Variants in CCDC6 observed in about 807,000 individuals in gnomAD.
CCDC6 encodes the protein coiled-coil domain containing 6, also known as coiled-coil domain-containing protein 6.
A neutral mutation model predicts 56.6 loss-of-function variants in CCDC6; 20 were observed. The observed-to-expected ratio is 0.35, with a 90% CI of 0.25 to 0.51. The LOEUF (loss-of-function observed/expected upper bound fraction) is 0.51, where lower values mean the gene tolerates loss of function less well. CCDC6 is among the 20% of genes least tolerant of loss of function. The pLI is 0.95. For missense variants in CCDC6, 367 were observed against 601.1 expected, an observed-to-expected ratio of 0.61 and a Z score of 4.07; for synonymous variants, 241 against 234.4, an observed-to-expected ratio of 1.03 and a Z score of -0.26.
chr10:59,880,278 A>C lies in CCDC6; in HGVS notation c.303+25844T>G, dbSNP rs138680337. 1.9e-3 allele frequency among the ~76,000 whole-genome samples: 294 copies of C among 152,256 alleles called. 2 individuals carry two copies. The highest frequency in any genetic ancestry group is 3.0e-3 in the Non-Finnish European group (207 of 68,028). ...TTCTGAAAATACCAACTGTACACTC[A>C]GGGGACTTTACAGCCCTATAGTAAC... On this transcript the variant is annotated intron_variant, in intron 1 of 8. Transcript: ENST00000263102.
At chr10:59,821,095 A>G (rs777543418) in intron 3 of CCDC6, among the ~76,000 whole-genome samples, 6 of 152,184 alleles carry the variant, frequency 3.9e-5, no homozygotes, top group Admixed American at 6.5e-5. Flanking sequence ...TATAAGTACA[A>G]TATTCAAAAA....
At chr10:59,811,438 T>C (rs2070670985) in intron 5 of CCDC6, among the ~76,000 whole-genome samples, 1 of 152,214 alleles carries the variant, frequency 6.6e-6, no homozygotes, top group African/African-American at 2.4e-5. Flanking sequence ...ATTGCGGTTG[T>C]AGCATAGCAA....
chr10:59,893,245 G>T (rs1241048030), intron 1 of CCDC6, among the ~76,000 whole-genome samples: 1 of 152,172 alleles, frequency 6.6e-6, no homozygotes, highest in Non-Finnish European at 1.5e-5. Context: ...AGTTTCAGGG[G>T]TGTTGACAAT....
chr10:59,906,465 G>C lies in CCDC6; in HGVS notation c.-41C>G, dbSNP rs768704338. ...GGGAAAGGAGGAGGAGCAGCAGGGA[G>C]GCGGCGGCGACGAAGGCCGGGCTGC... On this transcript the variant is annotated 5_prime_UTR_variant, in exon 1 of 9. Coordinates refer to ENST00000263102, the MANE Select transcript of CCDC6 (RefSeq NM_005436.5). 1 of 1,443,506 alleles carries C rather than the reference G, an allele frequency of 6.9e-7. No homozygotes were observed. Among genetic ancestry groups the C allele is most frequent in the Admixed American group, 2.9e-5 (1 of 34,886 alleles). The allele number at this position is 1,443,506 out of a possible 1,614,324, so 89.4% of individuals were successfully genotyped here. A position where few individuals can be genotyped will look rare whatever the true frequency, so the allele number is the denominator to read the frequency against.
intron 3 of CCDC6, among the ~76,000 whole-genome samples, chr10:59,821,323 C>T (rs1297225539): frequency 6.6e-6 from 1 of 152,140 alleles, no homozygotes; most frequent in Non-Finnish European, 1.5e-5. Context: ...CTTGACAAAG[C>T]CTTCACAAAG....
At chr10:59,883,076 G>A (rs1008918400) in intron 1 of CCDC6, among the ~76,000 whole-genome samples, 1 of 151,866 alleles carries the variant, frequency 6.6e-6, no homozygotes, top group South Asian at 2.1e-4. Context: ...TGATATATTC[G>A]TACCCCCGAA....
At chr10:59,803,318 T>C (rs537471483) in intron 7 of CCDC6, among the ~76,000 whole-genome samples, 1 of 145,180 alleles carries the variant, frequency 6.9e-6, no homozygotes, top group East Asian at 2.0e-4. Context: ...TGCCTCCTCT[T>C]AAAAAAAAAA....
chr10:59,888,318 C>A (rs1564758289), intron 1 of CCDC6, among the ~76,000 whole-genome samples: 1 of 152,236 alleles, frequency 6.6e-6, no homozygotes, highest in African/African-American at 2.4e-5. Flanking sequence ...GCACAGGATG[C>A]CTCACTTCAG....
chr10:59,803,706 A>G (rs2070595702), intron 7 of CCDC6, among the ~76,000 whole-genome samples: 1 of 152,228 alleles, frequency 6.6e-6, no homozygotes, highest in African/African-American at 2.4e-5. Context: ...CACAGAGCTC[A>G]GGAAACAGTT....
chr10:59,794,496 T>A lies in CCDC6; in HGVS notation c.1207A>T (p.Met403Leu). Residue 403 changes from methionine (M) to leucine (L), a missense_variant, in exon 8 of 9, where the codon ATG becomes TTG. Around this residue, in one of 7 missense-constraint regions of CCDC6, gnomAD observed 79 missense variants for 83.9 expected, o/e 0.94. Coordinates refer to ENST00000263102, the MANE Select transcript of CCDC6 (RefSeq NM_005436.5). The stretch of plus-strand genomic sequence containing the variant: ...ACTGTGATACCATGGGATGTTCCCA[T>A]GTGCTGCACGTGAAGACCCGGGGAA... ...YNSPGLHVQH[M>L]GTSHGITRPS... The A allele has an allele frequency of 6.2e-7, 1 of 1,614,172 alleles. No individual in the cohort carries two copies. Among genetic ancestry groups the A allele is most frequent in the Non-Finnish European group, 8.5e-7 (1 of 1,180,010 alleles).
intron 2 of CCDC6, among the ~76,000 whole-genome samples, chr10:59,842,239 G>A (rs763373436): frequency 6.6e-5 from 10 of 151,894 alleles, no homozygotes; most frequent in Admixed American, 2.0e-4. Flanking sequence ...TAGAGATGGG[G>A]TTTTACCATG....
chr10:59,838,840 T>C (rs866730028), intron 2 of CCDC6, among the ~76,000 whole-genome samples: 1 of 152,066 alleles, frequency 6.6e-6, no homozygotes, highest in Non-Finnish European at 1.5e-5. Flanking sequence ...TCTGAATCCC[T>C]CCCCTCAATT....
chr10:59,844,339 G>A (rs1039296660), intron 2 of CCDC6, among the ~76,000 whole-genome samples: 27 of 151,088 alleles, frequency 1.8e-4, no homozygotes, highest in African/African-American at 6.6e-4. Context: ...TATCTAAAGG[G>A]TTAAGTTTGA....
rs559070405 is a variant in CCDC6 at position 59,903,967 on chromosome 10, G to A, written c.303+2155C>T. Among the ~76,000 whole-genome samples the A allele has an allele frequency of 6.6e-5, 10 of 152,304 alleles. No individual in the cohort carries two copies. The East Asian group carries it at 1.9e-3, about 29-fold the overall frequency. ...AACCTGCAAAATCTTGAAGGAATCTGTTTTCTGCATTTATCATTCAGCTCC... is the reference window on the plus strand; with the variant it reads ...AACCTGCAAAATCTTGAAGGAATCTATTTTCTGCATTTATCATTCAGCTCC... On this transcript the variant is annotated intron_variant, in intron 1 of 8. Coordinates refer to ENST00000263102, the MANE Select transcript of CCDC6 (RefSeq NM_005436.5).
At chr10:59,879,571 CA>C (rs747249900) in intron 1 of CCDC6, among the ~76,000 whole-genome samples, 87 of 121,062 alleles carry the variant, frequency 7.2e-4, no homozygotes, top group Non-Finnish European at 5.4e-4. Flanking sequence ...CTGTGAAACC[CA>C]CAAAATACAA....
intron 1 of CCDC6, among the ~76,000 whole-genome samples, chr10:59,869,750 C>T (rs1363247205): frequency 6.6e-6 from 1 of 152,108 alleles, no homozygotes; most frequent in Non-Finnish European, 1.5e-5. Flanking sequence ...TCAAACCCTC[C>T]AAAGGCTTCC....
rs968865223 is a variant in CCDC6, at chr10:59,806,532, C to T, written c.1004+390G>A. ...TGATTCTTTTCAACCTACGCATGCA[C>T]TGTTTTCCTCGAGCTGCACTATAGC... On this transcript the variant is annotated intron_variant, in intron 6 of 8. Coordinates refer to ENST00000263102, the MANE Select transcript of CCDC6 (RefSeq NM_005436.5). 5.7e-5 allele frequency: 9 copies of T among 157,348 alleles called. No homozygotes were observed. In the East Asian group the frequency reaches 1.6e-3, roughly 29 times the overall value. The allele number at this position is 157,348 out of a possible 1,614,324, so 9.7% of individuals were successfully genotyped here.
At chr10:59,823,563 A>C (rs948464983) in intron 3 of CCDC6, among the ~76,000 whole-genome samples, 2 of 152,156 alleles carry the variant, frequency 1.3e-5, no homozygotes, top group African/African-American at 4.8e-5. Flanking sequence ...CTCCCAACCC[A>C]AAATATTATT....
chr10:59,845,346 GTTTTTTTTTT>G, intron 2 of CCDC6, among the ~76,000 whole-genome samples: 1 of 96,950 alleles, frequency 1.0e-5, no homozygotes, highest in East Asian at 3.3e-4. Flanking sequence ...GCCCCTATGG[GTTTTTTTTTT>G]TTTTTTTTTT....
Sources: gnomAD v4.1 joint callset for allele counts (sites outside exome capture counted in the v4.1 genomes callset) on GRCh38, gnomAD v4.1.1 for gene constraint, gnomAD v4.1.1 regional missense constraint, MANE v1.5 for transcripts, NCBI Gene and HGNC (gene_info 2026-07-23, HGNC 2026-07-21) for gene names.